Variants in DPP6 observed in about 807,000 individuals in gnomAD.
The protein encoded by DPP6 is A-type potassium channel modulatory protein DPP6.
A neutral mutation model predicts 122.6 loss-of-function variants in DPP6; 69 were observed. The observed-to-expected ratio is 0.56, with a 90% CI of 0.46 to 0.69. The LOEUF (loss-of-function observed/expected upper bound fraction) is 0.69, where lower values mean the gene tolerates loss of function less well. DPP6 is among the 30% of genes least tolerant of loss of function. The pLI is 0.00. For synonymous variants in DPP6, 418 were observed against 433.1 expected (o/e 0.97, Z 0.43); for missense variants, 928 against 1,116.9 (o/e 0.83, Z 2.41).
intron 1 of DPP6, among the ~76,000 whole-genome samples, chr7:154,152,299 A>C (rs1796465072): frequency 2.0e-5 from 3 of 152,106 alleles, no homozygotes; most frequent in Admixed American, 6.6e-5. Context: ...CCAGGGGTAC[A>C]GGGATGGGGT....
chr7:154,873,710 A>G (rs545178850), intron 19 of DPP6, among the ~76,000 whole-genome samples: 4 of 152,306 alleles, frequency 2.6e-5, no homozygotes, highest in Admixed American at 2.0e-4. Context: ...CTTTCCCAGC[A>G]GCCATGCATG....
At chr7:154,797,241 C>T (rs747629315) in intron 12 of DPP6, among the ~76,000 whole-genome samples, 24 of 152,230 alleles carry the variant, frequency 1.6e-4, no homozygotes, top group Non-Finnish European at 2.2e-4. Flanking sequence ...AAAAATGAGT[C>T]GGCTACTATC....
chr7:154,002,268 G>T (rs1197524667), intron 1 of DPP6, among the ~76,000 whole-genome samples: 2 of 151,428 alleles, frequency 1.3e-5, no homozygotes, highest in Non-Finnish European at 2.9e-5. Flanking sequence ...GCTTTTTTAG[G>T]CCTCTTACCA....
intron 1 of DPP6, among the ~76,000 whole-genome samples, chr7:154,307,173 T>G (rs1346194223): frequency 6.6e-6 from 1 of 152,162 alleles, no homozygotes; most frequent in Non-Finnish European, 1.5e-5. Flanking sequence ...CTGTACAAAT[T>G]TGCTCTTATT....
At chr7:154,396,025 A>G (rs1815055736) in intron 1 of DPP6, among the ~76,000 whole-genome samples, 1 of 150,834 alleles carries the variant, frequency 6.6e-6, no homozygotes, top group Non-Finnish European at 1.5e-5. Context: ...TATTACATTG[A>G]TTGCTTTTTT....
chr7:154,772,234 C>G (rs561717124), intron 9 of DPP6, among the ~76,000 whole-genome samples: 5 of 152,190 alleles, frequency 3.3e-5, no homozygotes, highest in Non-Finnish European at 2.9e-5. Flanking sequence ...AATAGGCAAG[C>G]CTGCCTGACA....
chr7:154,889,164 G>A (rs568817460), intron 23 of DPP6, 108 bp from the exon 24 acceptor site: 5 of 1,470,308 alleles, frequency 3.4e-6, no homozygotes, highest in Non-Finnish European at 3.6e-6. Flanking sequence ...CGGGAACTTA[G>A]TGTTTTCAAT....
At chr7:154,347,429 A>G (rs1180225802) in intron 1 of DPP6, among the ~76,000 whole-genome samples, 2 of 152,228 alleles carry the variant, frequency 1.3e-5, no homozygotes, top group Non-Finnish European at 2.9e-5. Context: ...AAAATTTAGC[A>G]ACTAAATCTG....
intron 5 of DPP6, among the ~76,000 whole-genome samples, chr7:154,621,395 A>G (rs906306773): frequency 1.3e-5 from 2 of 152,142 alleles, no homozygotes; most frequent in Admixed American, 6.6e-5. Context: ...TTGAGACAGA[A>G]TCTCACTCTG....
At position 154,481,178 on chromosome 7, in the gene DPP6, A is replaced by G. The variant is rs926711582; in HGVS notation, c.457+6141A>G. On this transcript the variant is annotated intron_variant, in intron 3 of 25. Transcript: ENST00000377770. The surrounding 1 kb of genome is among the most constrained non-coding windows in gnomAD (Gnocchi z 4.2). ...ACTGGGGTGGAATTTTAATGTTTCTAACTTTAAAAGTCTGAATTCCTCAAG... is the reference window on the plus strand; with the variant it reads ...ACTGGGGTGGAATTTTAATGTTTCTGACTTTAAAAGTCTGAATTCCTCAAG... 6.6e-6 allele frequency among the ~76,000 whole-genome samples: 1 copy of G among 152,148 alleles called. No individual in the cohort carries two copies. Among genetic ancestry groups the G allele is most frequent in the Non-Finnish European group, 1.5e-5 (1 of 68,026 alleles).
chr7:153,973,806 G>C, intron 1 of DPP6, among the ~76,000 whole-genome samples: 1 of 147,222 alleles, frequency 6.8e-6, no homozygotes, highest in Non-Finnish European at 1.5e-5. Flanking sequence ...AATGTATAAT[G>C]TGTTCAGGAA....
At chr7:154,540,659 CAGTTTTTCTTCCTGCA>C in intron 4 of DPP6, 33 bp downstream of exon 4, 4 of 1,334,138 alleles carry the variant, frequency 3.0e-6, no homozygotes, top group Non-Finnish European at 4.1e-6. Context: ...GGGATAATTT[CAGTTTTTCTTCCTGCA>C]AGTCAATAAA....
intron 1 of DPP6, among the ~76,000 whole-genome samples, chr7:154,409,740 C>T (rs1164937711): frequency 6.6e-6 from 1 of 152,152 alleles, no homozygotes; most frequent in African/African-American, 2.4e-5. Context: ...AGTGAGGTTC[C>T]TTTTACTTGT....
At chr7:154,064,980 A>G (rs1382853053) in intron 1 of DPP6, among the ~76,000 whole-genome samples, 1 of 152,080 alleles carries the variant, frequency 6.6e-6, no homozygotes, top group Non-Finnish European at 1.5e-5. Flanking sequence ...TCCTTACAAG[A>G]GCTTCCTCTC....
chr7:154,165,955 G>A (rs566265299), intron 1 of DPP6, among the ~76,000 whole-genome samples: 1 of 152,294 alleles, frequency 6.6e-6, no homozygotes, highest in South Asian at 2.1e-4. Flanking sequence ...TTTAAAATGA[G>A]CAGTTTTAAG....
At chr7:154,438,406 C>T (rs1176708378) in intron 1 of DPP6, among the ~76,000 whole-genome samples, 3 of 122,426 alleles carry the variant, frequency 2.5e-5, no homozygotes, top group South Asian at 2.9e-4. Context: ...GGAGGCGGAG[C>T]TTGCAGTGAG....
intron 1 of DPP6, among the ~76,000 whole-genome samples, chr7:154,328,370 G>C (rs1162869966): frequency 6.6e-6 from 1 of 152,156 alleles, no homozygotes; most frequent in Non-Finnish European, 1.5e-5. Context: ...GGGAAGTAAC[G>C]ACGGGCCTGG....
chr7:154,649,802 G>A (rs934342322), intron 6 of DPP6, among the ~76,000 whole-genome samples: 1 of 152,202 alleles, frequency 6.6e-6, no homozygotes, highest in African/African-American at 2.4e-5. Flanking sequence ...CATATCAGCC[G>A]CGAAGACAAA....
At chr7:154,541,423 C>T (rs10274497) in intron 4 of DPP6, among the ~76,000 whole-genome samples, 19,085 of 152,310 alleles carry the variant, frequency 0.13, 1,516 homozygotes, top group Non-Finnish European at 0.18. Context: ...GCCTGAGCCA[C>T]TGTACTCGAC....
Sources: gnomAD v4.1 joint callset for allele counts (sites outside exome capture counted in the v4.1 genomes callset) on GRCh38, gnomAD v4.1.1 for gene constraint, Gnocchi (gnomAD v3.1) non-coding constraint, MANE v1.5 for transcripts, NCBI Gene and HGNC (gene_info 2026-07-23, HGNC 2026-07-21) for gene names.